CEP250: variants seen among roughly 807,000 people sequenced by gnomAD.
The protein encoded by CEP250 is centrosome-associated protein CEP250.
CEP250 carries 242 observed loss-of-function variants against 315.7 expected under a neutral mutation model. The ratio of observed to expected loss-of-function variants is 0.77; its 90% CI spans 0.69 to 0.85. The LOEUF is 0.85. Among genes scored for constraint, CEP250 ranks in the 40% least tolerant of loss-of-function variants. The pLI, the probability that CEP250 is intolerant of heterozygous loss-of-function variation, is 0.00. For missense variants in CEP250, 2,515 were observed against 2,886.4 expected (o/e 0.87, Z 2.95); for synonymous variants, 1,088 against 1,175.0 (o/e 0.93, Z 1.51).
rs2064374406 is a variant in CEP250, at chr20:35,511,957, C to G, written c.*331C>G. The G allele has an allele frequency of 1.8e-6, 2 of 1,131,432 alleles. No homozygotes were observed. Among genetic ancestry groups the G allele is most frequent in the Non-Finnish European group, 2.2e-6 (2 of 923,556 alleles). The allele number at this position is 1,131,432 out of a possible 1,614,324, so 70.1% of individuals were successfully genotyped here. The stretch of plus-strand genomic sequence containing the variant: ...TCATCTTCTCCTTCAACAATAAACC[C>G]TGGGATCTTTGCATTCATTTTCTGC... On this transcript the variant is annotated 3_prime_UTR_variant, in exon 35 of 35. Coordinates refer to ENST00000397527, the MANE Select transcript of CEP250 (RefSeq NM_007186.6).
chr20:35,482,855 T>C (rs563035992), intron 20 of CEP250, among the ~76,000 whole-genome samples: 10 of 152,266 alleles, frequency 6.6e-5, no homozygotes, highest in South Asian at 4.1e-4. Flanking sequence ...AGACCACGCC[T>C]GGCAATTTCT....
intron 5 of CEP250, among the ~76,000 whole-genome samples, chr20:35,464,696 G>A (rs1204846567): frequency 6.6e-6 from 1 of 152,146 alleles, no homozygotes; most frequent in Non-Finnish European, 1.5e-5. Context: ...GTCATGGTGG[G>A]TGGGTCACAA....
chr20:35,486,657 T>C (rs2063522900), intron 20 of CEP250, among the ~76,000 whole-genome samples: 1 of 152,222 alleles, frequency 6.6e-6, no homozygotes, highest in Non-Finnish European at 1.5e-5. Flanking sequence ...TTTTTGCGAT[T>C]TCGTAGCTGG....
At chr20:35,459,718 G>T (rs577726429) in intron 2 of CEP250, among the ~76,000 whole-genome samples, 1 of 152,124 alleles carries the variant, frequency 6.6e-6, no homozygotes, top group African/African-American at 2.4e-5. Context: ...TGAGGCTGCG[G>T]TGAGCTATGA....
chr20:35,462,358 TG>T lies in CEP250; in HGVS notation c.-8del. On this transcript the variant is annotated 5_prime_UTR_variant, in exon 4 of 35. Coordinates refer to ENST00000397527, the MANE Select transcript of CEP250 (RefSeq NM_007186.6). ...CCTAGGGACCTGTGGGCCTACCACC[TG>T]GTGCCCTCATGGAGACAAGAAGCCC... is the stretch of plus-strand genomic sequence containing the variant. The T allele has an allele frequency of 6.4e-7, 1 of 1,569,320 alleles. No individual in the cohort carries two copies. Among genetic ancestry groups the T allele is most frequent in the Non-Finnish European group, 8.7e-7 (1 of 1,154,756 alleles).
At position 35,498,613 on chromosome 20, in the gene CEP250, G is replaced by A. The variant is rs770666226; in HGVS notation, c.3674G>A (p.Ser1225Asn). ...TTTTCAGACCAGAATGGAGCTAGGA[G>A]CCTCTTTAAGAGAGGGCCCCTGCTG... Reference protein sequence around the residue: ...GLEPDQNGARSLFKRGPLLTA... With the variant: ...GLEPDQNGARNLFKRGPLLTA... The change falls in exon 27 of 35, where the codon AGC (serine) becomes AAC (asparagine). Residue 1225 changes from serine to asparagine, a missense_variant. Coordinates refer to ENST00000397527, the MANE Select transcript of CEP250 (RefSeq NM_007186.6). The A allele has an allele frequency of 4.4e-6, 7 of 1,603,596 alleles. No homozygotes were observed. The highest frequency in any genetic ancestry group is 5.9e-6 in the Non-Finnish European group (7 of 1,177,346).
At chr20:35,465,686 C>A in intron 5 of CEP250, 57 bp from the exon 6 acceptor site, 1 of 1,298,400 alleles carries the variant, frequency 7.7e-7, no homozygotes, top group Non-Finnish European at 1.1e-6. Context: ...CCTTAGGGAA[C>A]TGGTCTGAGT....
At chr20:35,470,025 G>A (rs182523867) in intron 10 of CEP250, 39 bp downstream of exon 10, 1 of 1,367,128 alleles carries the variant, frequency 7.3e-7, no homozygotes, top group African/African-American at 1.4e-5. Flanking sequence ...TTGGGCGTGG[G>A]CTTGTAGGTT....
intron 16 of CEP250, among the ~76,000 whole-genome samples, chr20:35,477,192 T>C (rs371289734): frequency 3.8e-4 from 58 of 152,230 alleles, no homozygotes; most frequent in African/African-American, 1.3e-3. Flanking sequence ...GTATTTTTAA[T>C]AGAGACAGGG....
chr20:35,473,564 G>A lies in CEP250; in HGVS notation c.1388+12G>A. On this transcript the variant is annotated intron_variant, in intron 13 of 34. Transcript: ENST00000397527. ...GACTCTCTCAGCAAGTGAGCAGACG[G>A]GCTGTTCATCCCACCCTCCCAGCCT... 1 of 1,600,356 alleles carries A rather than the reference G, an allele frequency of 6.2e-7. No homozygotes were observed. Among genetic ancestry groups the A allele is most frequent in the Non-Finnish European group, 8.5e-7 (1 of 1,172,698 alleles).
In CEP250 at chr20:35,515,616, G is replaced by A. The variant is rs1222476753; in HGVS notation, c.*3990G>A. ...ATGGGACAGATTCCTGGTTTTTTTA[G>A]TTTGGCCTTGGGGTAGATGATACCT... On this transcript the variant is annotated 3_prime_UTR_variant, in exon 35 of 35. Transcript: ENST00000397527. 1 of 152,256 alleles carries A rather than the reference G, an allele frequency of 6.6e-6. No homozygotes were observed. Among genetic ancestry groups the A allele is most frequent in the African/African-American group, 2.4e-5 (1 of 41,430 alleles). 9.4% of individuals were successfully genotyped at this position (152,256 alleles called of 1,614,324 possible).
At chr20:35,501,336 C>CA (rs1288768416) in intron 28 of CEP250, among the ~76,000 whole-genome samples, 1 of 151,320 alleles carries the variant, frequency 6.6e-6, no homozygotes. Context: ...GACTCCATCT[C>CA]AAAAAAAGAA....
chr20:35,478,550 G>A (rs2063240037), intron 17 of CEP250, among the ~76,000 whole-genome samples: 1 of 152,176 alleles, frequency 6.6e-6, no homozygotes. Context: ...GGATGACAGA[G>A]CGACACTGCT....
intron 20 of CEP250, among the ~76,000 whole-genome samples, chr20:35,485,645 C>CTT (rs782622070): frequency 0.29 from 9,848 of 33,770 alleles, 4,143 homozygotes; most frequent in Non-Finnish European, 0.4. Flanking sequence ...GTCTGCCTGG[C>CTT]TTTTTTTTTT....
chr20:35,498,625 G>C lies in CEP250; in HGVS notation c.3686G>C (p.Arg1229Thr). 4 of 1,604,282 alleles carry C rather than the reference G, an allele frequency of 2.5e-6. No individual in the cohort carries two copies. Among genetic ancestry groups the C allele is most frequent in the Non-Finnish European group, 3.4e-6 (4 of 1,177,406 alleles). ...AATGGAGCTAGGAGCCTCTTTAAGA[G>C]AGGGCCCCTGCTGACTGCTCTCTCC... Reference protein sequence around the residue: ...DQNGARSLFKRGPLLTALSAE... With the variant: ...DQNGARSLFKTGPLLTALSAE... The change falls in exon 27 of 35, where the codon AGA (arginine) becomes ACA (threonine). Residue 1229 changes from arginine (R) to threonine (T), a missense_variant. Transcript: ENST00000397527.
chr20:35,486,098 T>C (rs976173224), intron 20 of CEP250, among the ~76,000 whole-genome samples: 3 of 150,296 alleles, frequency 2.0e-5, no homozygotes, highest in African/African-American at 7.4e-5. Context: ...CTGTTTCAGC[T>C]CCGCCTCCTG....
chr20:35,496,619 T>C lies in CEP250; in HGVS notation c.3210T>C (p.Val1070=). ...SLMEKEQRLL[V]LQEADSIRQQ... ...TGGAAAAGGAACAGAGACTCCTTGT[T>C]TTACAAGAAGCTGACTCTATTCGAC... Residue 1070 remains valine, a synonymous_variant, in exon 25 of 35, where the codon GTT becomes GTC. Transcript: ENST00000397527. 1 of 1,614,104 alleles carries C rather than the reference T, an allele frequency of 6.2e-7. No individual in the cohort carries two copies. The highest frequency in any genetic ancestry group is 1.1e-5 in the South Asian group (1 of 91,066).
At position 35,466,961 on chromosome 20, in the gene CEP250, C is replaced by T. The variant is rs1298500580; in HGVS notation, c.493-5C>T. On this transcript the variant is annotated splice_polypyrimidine_tract_variant and splice_region_variant and intron_variant, in intron 7 of 34. Coordinates refer to ENST00000397527, the MANE Select transcript of CEP250 (RefSeq NM_007186.6). ...TGGGTATGACCTGGGTTTCTGAACA[C>T]ACAGTTCTTCAAGGGCTACCTGAAA... 5 of 1,603,164 alleles carry T rather than the reference C, an allele frequency of 3.1e-6. No individual in the cohort carries two copies. The East Asian group carries it at 6.7e-5, about 22-fold the overall frequency.
At chr20:35,460,695 C>T (rs780592849) in intron 3 of CEP250, among the ~76,000 whole-genome samples, 4 of 152,218 alleles carry the variant, frequency 2.6e-5, no homozygotes, top group Non-Finnish European at 5.9e-5. Flanking sequence ...ATTTTATGTA[C>T]ATTCTCCCAA....
Sources: gnomAD v4.1 joint callset for allele counts (sites outside exome capture counted in the v4.1 genomes callset) on GRCh38, gnomAD v4.1.1 for gene constraint, MANE v1.5 for transcripts, NCBI Gene and HGNC (gene_info 2026-07-23, HGNC 2026-07-21) for gene names.